The following FRMD6 variants were observed in gnomAD, a reference collection of about 807,000 sequenced individuals.
FRMD6 encodes the protein FERM domain containing 6.
FRMD6 carries 37 observed loss-of-function variants against 73.2 expected under a neutral mutation model. The observed-to-expected ratio is 0.51, with a 90% confidence interval of 0.39 to 0.66. The LOEUF is 0.66. FRMD6 is among the 30% of genes least tolerant of loss of function. The pLI, the probability that FRMD6 is intolerant of heterozygous loss-of-function variation, is 0.00. For missense variants in FRMD6, 714 were observed against 780.5 expected (o/e 0.91, Z 1.02); for synonymous variants, 273 against 282.2 (o/e 0.97, Z 0.33).
intron 1 of FRMD6, among the ~76,000 whole-genome samples, chr14:51,520,583 A>G (rs1566790460): frequency 6.6e-6 from 1 of 152,228 alleles, no homozygotes; most frequent in South Asian, 2.1e-4. Flanking sequence ...ATATATCCAT[A>G]CCATGAAATT....
chr14:51,571,959 A>C (rs559265789), intron 2 of FRMD6, among the ~76,000 whole-genome samples: 1 of 152,334 alleles, frequency 6.6e-6, no homozygotes, highest in South Asian at 2.1e-4. Flanking sequence ...ACCTACCTGT[A>C]AGTTTTCTCA....
At chr14:51,572,908 T>C (rs1024104904) in intron 2 of FRMD6, among the ~76,000 whole-genome samples, 1 of 152,202 alleles carries the variant, frequency 6.6e-6, no homozygotes, top group South Asian at 2.1e-4. Context: ...ATAGACTCAC[T>C]TGAAATTTAA....
intron 5 of FRMD6, among the ~76,000 whole-genome samples, chr14:51,702,903 A>G (rs1896411588): frequency 6.6e-6 from 1 of 152,028 alleles, no homozygotes; most frequent in African/African-American, 2.4e-5. Context: ...CTCCAAAAAG[A>G]TACTTATTTC....
intron 2 of FRMD6, among the ~76,000 whole-genome samples, chr14:51,615,049 A>T (rs1158166110): frequency 6.6e-6 from 1 of 152,212 alleles, no homozygotes; most frequent in Non-Finnish European, 1.5e-5. Context: ...TTAGAGTATG[A>T]CTGAGGAGTA....
At chr14:51,606,744 G>A (rs989223491) in intron 2 of FRMD6, among the ~76,000 whole-genome samples, 19 of 152,098 alleles carry the variant, frequency 1.2e-4, no homozygotes, top group African/African-American at 2.7e-4. Context: ...TGGGAAGACC[G>A]TGACACGCCA....
rs368650337 is a variant in FRMD6 at position 51,702,586 on chromosome 14, C to A, written c.369C>A (p.Ile123=). 25 of 1,610,914 alleles carry A rather than the reference C, an allele frequency of 1.6e-5. No homozygotes were observed. In the African/African-American group the frequency reaches 3.2e-4, roughly 21 times the overall value. Residue 123 remains isoleucine (I), a splice_region_variant and synonymous_variant, in exon 5 of 14, where the codon ATC becomes ATA. Coordinates refer to ENST00000344768, the MANE Select transcript of FRMD6 (RefSeq NM_001267046.2). ...VQYYVENGRL[I]SDRAARYYYY... is the part of the protein sequence containing the mutation. ...ACTATGTGGAAAATGGCAGATTGATCAGGTAAGAGGACAGGGGGTGATTCT... is the reference window on the plus strand; with the variant it reads ...ACTATGTGGAAAATGGCAGATTGATAAGGTAAGAGGACAGGGGGTGATTCT...
chr14:51,463,465 G>A, the FRMD6 span, among the ~76,000 whole-genome samples: 4 of 152,258 alleles, frequency 2.6e-5, no homozygotes, highest in South Asian at 4.1e-4. Flanking sequence ...TTTTCCCCCA[G>A]AAAATTTTCA....
At chr14:51,424,008 T>G in the FRMD6 span, among the ~76,000 whole-genome samples, 2 of 152,244 alleles carry the variant, frequency 1.3e-5, no homozygotes, top group African/African-American at 4.8e-5. Flanking sequence ...GTATTGCATT[T>G]GAGCATTGTA....
intron 1 of FRMD6, among the ~76,000 whole-genome samples, chr14:51,540,658 C>G (rs1352365119): frequency 2.0e-5 from 3 of 152,024 alleles, no homozygotes; most frequent in African/African-American, 7.2e-5. Flanking sequence ...TGTCCTGAGG[C>G]TCATCCTTTT....
At chr14:51,679,843 CTAATG>C (rs1268221046) in intron 1 of FRMD6, among the ~76,000 whole-genome samples, 1 of 152,070 alleles carries the variant, frequency 6.6e-6, no homozygotes, top group African/African-American at 2.4e-5. Context: ...TTTTTAATCT[CTAATG>C]TAAGACAAGT....
intron 1 of FRMD6, among the ~76,000 whole-genome samples, chr14:51,517,866 G>A (rs909674990): frequency 3.1e-5 from 4 of 129,120 alleles, no homozygotes; most frequent in African/African-American, 1.2e-4. Flanking sequence ...GCTTGAACGG[G>A]GGTGATGAGT....
chr14:51,601,551 T>C (rs1890038032), intron 2 of FRMD6, among the ~76,000 whole-genome samples: 1 of 152,192 alleles, frequency 6.6e-6, no homozygotes, highest in Non-Finnish European at 1.5e-5. Flanking sequence ...TGCATTTTGT[T>C]TGGAGCTTTA....
chr14:51,434,380 T>C, the FRMD6 span, among the ~76,000 whole-genome samples: 2 of 152,168 alleles, frequency 1.3e-5, no homozygotes, highest in African/African-American at 4.8e-5. Context: ...AGTGAAATGA[T>C]AAGATTAGTC....
intron 1 of FRMD6, among the ~76,000 whole-genome samples, chr14:51,652,996 A>G (rs1892538243): frequency 6.6e-6 from 1 of 152,210 alleles, no homozygotes; most frequent in Non-Finnish European, 1.5e-5. Context: ...GTCCAAAGAA[A>G]TATTAGCTCG....
intron 2 of FRMD6, among the ~76,000 whole-genome samples, chr14:51,691,835 T>C (rs948805205): frequency 6.6e-6 from 1 of 152,074 alleles, no homozygotes; most frequent in Non-Finnish European, 1.5e-5. Context: ...CCTCACGTGA[T>C]CTGTCTGCCT....
At position 51,689,916 on chromosome 14, in the gene FRMD6, C is replaced by A; in HGVS notation, c.80C>A (p.Ser27Tyr). The change falls in exon 2 of 14, where the codon TCT (serine) becomes TAT (tyrosine). Residue 27 changes from serine to tyrosine, a missense_variant. Physicochemically the swap from Ser to Tyr is moderately radical, Grantham distance 144. Coordinates refer to ENST00000344768, the MANE Select transcript of FRMD6 (RefSeq NM_001267046.2). ...TGCATTTTCCTTCCCAACGATGAAT[C>A]TCTGAACATCATCATAAATGTGAGT... ...SVCIFLPNDESLNIIINVKIL... is the reference protein window; with the variant it reads ...SVCIFLPNDEYLNIIINVKIL... The A allele has an allele frequency of 6.2e-7, 1 of 1,605,638 alleles. No homozygotes were observed. Among genetic ancestry groups the A allele is most frequent in the Non-Finnish European group, 8.5e-7 (1 of 1,172,210 alleles).
At chr14:51,505,176 C>T (rs1439253434) in intron 1 of FRMD6, among the ~76,000 whole-genome samples, 1 of 152,114 alleles carries the variant, frequency 6.6e-6, no homozygotes, top group African/African-American at 2.4e-5. Context: ...CGAATATTCT[C>T]CCAGAAACTT....
intron 2 of FRMD6, among the ~76,000 whole-genome samples, chr14:51,602,930 A>C (rs1481851060): frequency 6.6e-6 from 1 of 152,240 alleles, no homozygotes; most frequent in East Asian, 1.9e-4. Context: ...ATTGCTGTGG[A>C]ATAATTTATT....
intron 2 of FRMD6, among the ~76,000 whole-genome samples, chr14:51,613,571 T>C (rs534476766): frequency 7.5e-4 from 114 of 152,116 alleles, no homozygotes; most frequent in African/African-American, 2.5e-3. Context: ...ACACCAGCAA[T>C]GTTAGAGGTT....
Sources: gnomAD v4.1 joint callset for allele counts (sites outside exome capture counted in the v4.1 genomes callset) on GRCh38, gnomAD v4.1.1 for gene constraint, MANE v1.5 for transcripts, NCBI Gene and HGNC (gene_info 2026-07-23, HGNC 2026-07-21) for gene names.